The following TGFBR3 variants were observed in gnomAD, a reference collection of about 807,000 sequenced individuals.
TGFBR3 encodes transforming growth factor beta receptor 3, also known as transforming growth factor beta receptor type 3.
A neutral mutation model predicts 87.9 loss-of-function variants in TGFBR3; 46 were observed. The ratio of observed to expected loss-of-function variants is 0.52; its 90% CI spans 0.41 to 0.67. TGFBR3 has a LOEUF of 0.67. Ranked by LOEUF, TGFBR3 falls within the 30% of genes least tolerant of loss-of-function variation. TGFBR3 has a pLI of 0.00. For synonymous variants in TGFBR3, 381 were observed against 391.6 expected, an observed-to-expected ratio of 0.97 and a Z score of 0.32; for missense variants, 866 against 1,041.9, an observed-to-expected ratio of 0.83 and a Z score of 2.32.
At chr1:91,893,151 G>A (rs1679483349) in intron 2 of TGFBR3, among the ~76,000 whole-genome samples, 1 of 152,082 alleles carries the variant, frequency 6.6e-6, no homozygotes, top group African/African-American at 2.4e-5. Flanking sequence ...TTGTAAGTTT[G>A]GGTTTATAAA....
chr1:91,905,223 T>C (rs1432238126), intron 1 of TGFBR3, among the ~76,000 whole-genome samples: 1 of 152,196 alleles, frequency 6.6e-6, no homozygotes, highest in African/African-American at 2.4e-5. Flanking sequence ...GAATCCACAC[T>C]GACACTCTGA....
chr1:91,828,577 C>T (rs1031463454), intron 2 of TGFBR3, among the ~76,000 whole-genome samples: 4 of 152,170 alleles, frequency 2.6e-5, no homozygotes, highest in East Asian at 1.9e-4. Flanking sequence ...CAGGGGCAGC[C>T]ACCCCCGAAA....
intron 2 of TGFBR3, among the ~76,000 whole-genome samples, chr1:91,899,019 A>G (rs7550034): frequency 0.44 from 66,701 of 152,084 alleles, 15,058 homozygotes; most frequent in Admixed American, 0.51. Context: ...TGTGATACTT[A>G]TTCAGTTTCT....
At chr1:91,792,286 T>A (rs1444678600) in intron 3 of TGFBR3, among the ~76,000 whole-genome samples, 1 of 152,152 alleles carries the variant, frequency 6.6e-6, no homozygotes, top group Non-Finnish European at 1.5e-5. Context: ...AATCCTCTTT[T>A]GGAATGAGGC....
intron 3 of TGFBR3, among the ~76,000 whole-genome samples, chr1:91,789,533 G>A (rs544390673): frequency 1.3e-4 from 20 of 152,320 alleles, no homozygotes; most frequent in East Asian, 1.9e-4. Context: ...TTTAAGTGAC[G>A]TGACCAACCT....
rs17879403 is a variant in TGFBR3, at chr1:91,729,861, G to A, written c.681C>T (p.Pro227=). ...AAEGCVMSSQ[P]QNEEVHIIEL... ...CGATGATGTGTACTTCCTCATTCTG[G>A]GGCTGGCTGGACATCACACACCCTT... The change falls in exon 6 of 17, where the codon CCC becomes CCT. Residue 227 remains proline, a synonymous_variant. Transcript: ENST00000212355. The A allele has an allele frequency of 7.4e-5, 119 of 1,614,132 alleles. 1 individual carries two copies. The African/African-American group carries it at 1.3e-3, about 18-fold the overall frequency.
At chr1:91,779,238 A>G (rs1674680926) in intron 3 of TGFBR3, among the ~76,000 whole-genome samples, 1 of 152,220 alleles carries the variant, frequency 6.6e-6, no homozygotes. Context: ...ATTGCTAACA[A>G]TGATAGCAGC....
At chr1:91,829,268 C>G (rs899545487) in intron 2 of TGFBR3, among the ~76,000 whole-genome samples, 1 of 151,980 alleles carries the variant, frequency 6.6e-6, no homozygotes, top group African/African-American at 2.4e-5. Flanking sequence ...CCCAGCTACT[C>G]ATAAGGCTGA....
In TGFBR3 at chr1:91,737,667, G is replaced by C. The variant is rs112324941; in HGVS notation, c.385-2708C>G. On this transcript the variant is annotated intron_variant, in intron 4 of 16. Transcript: ENST00000212355. ...GAATTCCTTCGTCTTTCTTCCATGA[G>C]ACAAGACTTCAGGTGTTTAAAGGTG... is the stretch of plus-strand genomic sequence containing the variant. Among the ~76,000 whole-genome samples the C allele has an allele frequency of 9.8e-5, 15 of 152,290 alleles. 1 individual carries two copies. The highest frequency in any genetic ancestry group is 3.4e-4 in the African/African-American group (14 of 41,556).
intron 2 of TGFBR3, among the ~76,000 whole-genome samples, chr1:91,833,460 C>CAAA (rs33936360): frequency 3.2e-4 from 12 of 37,146 alleles, no homozygotes; most frequent in African/African-American, 1.0e-3. Flanking sequence ...AGCTCTGTCT[C>CAAA]AAAAAAAAAA....
chr1:91,856,356 A>G (rs2799514), intron 2 of TGFBR3, among the ~76,000 whole-genome samples: 19,782 of 152,022 alleles, frequency 0.13, 1,636 homozygotes, highest in East Asian at 0.4. Flanking sequence ...GTGAGCCACC[A>G]CGCCCAGCCG....
At chr1:91,809,113 C>T (rs1557722312) in intron 2 of TGFBR3, among the ~76,000 whole-genome samples, 1 of 152,182 alleles carries the variant, frequency 6.6e-6, no homozygotes, top group Non-Finnish European at 1.5e-5. Context: ...CCTACTAATG[C>T]AATATCTGAT....
At chr1:91,882,288 C>A (rs1679117142) in intron 1 of TGFBR3, among the ~76,000 whole-genome samples, 1 of 151,460 alleles carries the variant, frequency 6.6e-6, no homozygotes, top group Non-Finnish European at 1.5e-5. Context: ...AGGTGTGCAC[C>A]ACCACGCTCA....
intron 2 of TGFBR3, among the ~76,000 whole-genome samples, chr1:91,851,459 G>C (rs748826427): frequency 2.6e-5 from 4 of 152,194 alleles, no homozygotes; most frequent in African/African-American, 7.2e-5. Flanking sequence ...CCTAAAGGAA[G>C]GCCTCTTGCT....
rs367766809 is a variant in TGFBR3 at position 91,740,205 on chromosome 1, G to A, written c.385-5246C>T. On this transcript the variant is annotated intron_variant, in intron 4 of 16. Transcript: ENST00000212355. ...CTCCCGAGTAGCTGGGATTACAGGC[G>A]TGTGCCACCACATCCGGCTAATTTT... is the stretch of plus-strand genomic sequence containing the variant. Among the ~76,000 whole-genome samples the A allele has an allele frequency of 1.2e-3, 177 of 151,986 alleles. 1 individual carries two copies. Among genetic ancestry groups the A allele is most frequent in the African/African-American group, 4.1e-3 (168 of 41,452 alleles).
chr1:91,761,326 A>G (rs935470449), intron 3 of TGFBR3, among the ~76,000 whole-genome samples: 2 of 152,198 alleles, frequency 1.3e-5, no homozygotes, highest in African/African-American at 2.4e-5. Context: ...TCATACAATC[A>G]AGGGAAGATT....
At chr1:91,697,760 C>A (rs1164907651) in intron 15 of TGFBR3, among the ~76,000 whole-genome samples, 3 of 152,152 alleles carry the variant, frequency 2.0e-5, no homozygotes, top group African/African-American at 7.2e-5. Flanking sequence ...TATGTGAATT[C>A]TTGCAGGTTA....
chr1:91,779,815 A>T (rs1674699353), intron 3 of TGFBR3, among the ~76,000 whole-genome samples: 1 of 152,204 alleles, frequency 6.6e-6, no homozygotes, highest in Admixed American at 6.5e-5. Flanking sequence ...GAACAACAGA[A>T]GGCTATTCTC....
intron 3 of TGFBR3, among the ~76,000 whole-genome samples, chr1:91,769,184 C>T (rs748701123): frequency 2.0e-5 from 3 of 152,206 alleles, no homozygotes; most frequent in Non-Finnish European, 4.4e-5. Context: ...GTCGAAAGCA[C>T]TTAGAACAGT....
Sources: allele counts gnomAD v4.1 joint callset (sites outside exome capture counted in the v4.1 genomes callset), GRCh38; gene constraint gnomAD v4.1.1; transcripts MANE v1.5; gene names NCBI Gene and HGNC (gene_info 2026-07-23, HGNC 2026-07-21).